PATL1: variants seen among roughly 807,000 people sequenced by gnomAD.
PATL1 encodes the protein protein PAT1 homolog 1.
In PATL1, 32 loss-of-function variants were observed where a neutral mutation model predicts 100.6. The ratio of observed to expected loss-of-function variants is 0.32; its 90% CI spans 0.24 to 0.43. The LOEUF (loss-of-function observed/expected upper bound fraction) is 0.43. Ranked by LOEUF, PATL1 falls within the 20% of genes least tolerant of loss-of-function variation. PATL1 has a pLI of 1.00. For synonymous variants in PATL1, 332 were observed against 330.0 expected (o/e 1.01, Z -0.07); for missense variants, 747 against 949.9 (o/e 0.79, Z 2.81).
At chr11:59,667,093 ATT>A in intron 1 of PATL1, 129 bp from the exon 2 acceptor site, 15 of 1,408,004 alleles carry the variant, frequency 1.1e-5, no homozygotes, top group Middle Eastern at 3.9e-4. Flanking sequence ...TAAAGATGGC[ATT>A]TTTTTTCTAC....
intron 15 of PATL1, among the ~76,000 whole-genome samples, chr11:59,647,210 A>T (rs1000567887): frequency 2.7e-4 from 39 of 147,152 alleles, no homozygotes; most frequent in African/African-American, 9.4e-4. Context: ...GTGACAGAGC[A>T]AAACTCTGTC....
chr11:59,640,358 A>AT (rs1861258698), intron 16 of PATL1, among the ~76,000 whole-genome samples: 1 of 151,360 alleles, frequency 6.6e-6, no homozygotes, highest in South Asian at 2.1e-4. Flanking sequence ...AAAAAAAAAA[A>AT]GTAACATATA....
chr11:59,642,034 G>A (rs1039407386), intron 16 of PATL1, among the ~76,000 whole-genome samples: 1 of 151,984 alleles, frequency 6.6e-6, no homozygotes, highest in Non-Finnish European at 1.5e-5. Flanking sequence ...GCATTATATC[G>A]AACCACTTAC....
At chr11:59,643,388 C>T (rs1861314617) in intron 15 of PATL1, among the ~76,000 whole-genome samples, 1 of 151,922 alleles carries the variant, frequency 6.6e-6, no homozygotes, top group African/African-American at 2.4e-5. Flanking sequence ...GACACAGAAC[C>T]TCAGGGATCT....
chr11:59,659,801 A>G (rs770645821), intron 2 of PATL1, among the ~76,000 whole-genome samples: 12 of 152,122 alleles, frequency 7.9e-5, no homozygotes, highest in Non-Finnish European at 1.8e-4. Context: ...CGGCCTCCCA[A>G]AGTGCTGGGA....
intron 9 of PATL1, 103 bp from the exon 10 acceptor site, chr11:59,653,121 TCCCGTTTGC>T: frequency 1.0e-6 from 1 of 983,782 alleles, no homozygotes. Context: ...TTTTAAAGAT[TCCCGTTTGC>T]TTTTCTTAAA....
Position 59,652,890 on chromosome 11 carries a change from T to G in PATL1, c.1250A>C (p.Gln417Pro). 2 of 1,614,012 alleles carry G rather than the reference T, an allele frequency of 1.2e-6. No individual in the cohort carries two copies. The highest frequency in any genetic ancestry group is 8.5e-7 in the Non-Finnish European group (1 of 1,179,884). ...QREKDWVSKIQMMQLQSTDPY... is the reference protein window; with the variant it reads ...QREKDWVSKIPMMQLQSTDPY... ...ATCAGTGCTTTGCAGTTGCATCATC[T>G]GGATTTTAGAGACCCAATCCTTTTC... Residue 417 changes from glutamine to proline, a missense_variant, in exon 10 of 19, where the codon CAG (glutamine) becomes CCG (proline). Physicochemically the swap from Gln to Pro is moderately conservative, Grantham distance 76. Around this residue, in one of 4 missense-constraint regions of PATL1, gnomAD observed 434 missense variants for 596.1 expected, o/e 0.73. Transcript: ENST00000300146.
At chr11:59,659,920 A>G (rs1224719244) in intron 2 of PATL1, among the ~76,000 whole-genome samples, 2 of 152,242 alleles carry the variant, frequency 1.3e-5, no homozygotes, top group African/African-American at 2.4e-5. Flanking sequence ...ACAGGAAATA[A>G]GGTTTAAACT....
intron 9 of PATL1, among the ~76,000 whole-genome samples, chr11:59,653,714 T>C (rs1323119676): frequency 2.0e-5 from 3 of 152,226 alleles, no homozygotes; most frequent in Non-Finnish European, 4.4e-5. Flanking sequence ...AATGTTTTTC[T>C]ACGTTTATTA....
At position 59,651,562 on chromosome 11, in the gene PATL1, T is replaced by G; in HGVS notation, c.1506A>C (p.Thr502=). 6.2e-7 allele frequency: 1 copy of G among 1,610,768 alleles called. No individual in the cohort carries two copies. The highest frequency in any genetic ancestry group is 8.5e-7 in the Non-Finnish European group (1 of 1,178,274). ...NPRKMIDAVV[T]SRSEDDETKE... is the part of the protein sequence containing the mutation. Reference sequence around the variant, plus strand: ...CACTTACATCATCCTCACTCCGAGATGTCACAACAGCATCAATCATTTTTC... The same window carrying G: ...CACTTACATCATCCTCACTCCGAGAGGTCACAACAGCATCAATCATTTTTC... The change falls in exon 12 of 19, where the codon ACA becomes ACC. Residue 502 remains threonine (T), a synonymous_variant. Transcript: ENST00000300146.
At chr11:59,640,808 C>T (rs1034106857) in intron 16 of PATL1, among the ~76,000 whole-genome samples, 8 of 151,936 alleles carry the variant, frequency 5.3e-5, no homozygotes, top group Non-Finnish European at 8.8e-5. Flanking sequence ...GGAGGCAGTA[C>T]TGCTTGAGTC....
chr11:59,663,810 C>T (rs573073094), intron 2 of PATL1, among the ~76,000 whole-genome samples: 7 of 151,994 alleles, frequency 4.6e-5, no homozygotes, highest in African/African-American at 9.6e-5. Context: ...TCCAGATGCC[C>T]GCTATATGAA....
In PATL1 at chr11:59,638,266, G is replaced by T; in HGVS notation, c.*124C>A. 1.1e-6 allele frequency: 1 copy of T among 937,954 alleles called. No homozygotes were observed. The allele number at this position is 937,954 out of a possible 1,614,324, so 58.1% of individuals were successfully genotyped here. Reference sequence around the variant, plus strand: ...GAGACAACCCCTGTAAACAGGAATCGATCCCACAAGACTTTGCTTTGGGGA... The same window carrying T: ...GAGACAACCCCTGTAAACAGGAATCTATCCCACAAGACTTTGCTTTGGGGA... On this transcript the variant is annotated 3_prime_UTR_variant, in exon 19 of 19. Coordinates refer to ENST00000300146, the MANE Select transcript of PATL1 (RefSeq NM_152716.3).
At position 59,657,601 on chromosome 11, in the gene PATL1, T is replaced by A; in HGVS notation, c.550A>T (p.Ser184Cys). The A allele has an allele frequency of 6.2e-7, 1 of 1,612,714 alleles. No homozygotes were observed. Among genetic ancestry groups the A allele is most frequent in the Non-Finnish European group, 8.5e-7 (1 of 1,179,838 alleles). The part of the protein sequence containing the change: ...PRRSTSPIIG[S>C]PPVRAVPIGT... ...ATGGGGACAGCTCTAACAGGAGGAC[T>A]GCCAATGATAGGTGAAGTTGACCGC... is the stretch of plus-strand genomic sequence containing the variant. The change falls in exon 5 of 19, where the codon AGT becomes TGT. Residue 184 changes from serine (S) to cysteine (C), a missense_variant. By Grantham distance (112) the Ser-to-Cys change is moderately radical. Transcript: ENST00000300146.
At chr11:59,650,652 C>G (rs1367797033) in intron 13 of PATL1, 102 bp downstream of exon 13, 1 of 801,798 alleles carries the variant, frequency 1.2e-6, no homozygotes, top group African/African-American at 1.8e-5. Context: ...GAATTAAAAC[C>G]AAAGAACATT....
At chr11:59,663,393 G>A (rs1861651200) in intron 2 of PATL1, among the ~76,000 whole-genome samples, 1 of 152,144 alleles carries the variant, frequency 6.6e-6, no homozygotes, top group Non-Finnish European at 1.5e-5. Context: ...ATCAATAAAA[G>A]GGAGGTAGGA....
At chr11:59,658,990 T>A (rs1214315724) in intron 3 of PATL1, 44 bp from the exon 4 acceptor site, 1 of 1,477,116 alleles carries the variant, frequency 6.8e-7, no homozygotes, top group African/African-American at 1.4e-5. Flanking sequence ...TGTTGTATAC[T>A]CTCTGGGTGA....
At chr11:59,645,593 T>C (rs1251621247) in intron 15 of PATL1, among the ~76,000 whole-genome samples, 1 of 152,108 alleles carries the variant, frequency 6.6e-6, no homozygotes, top group Non-Finnish European at 1.5e-5. Flanking sequence ...GTAGGATAAA[T>C]GCTTTTCCTT....
chr11:59,639,013 T>G (rs745639528), intron 18 of PATL1, 35 bp downstream of exon 18: 6 of 1,603,756 alleles, frequency 3.7e-6, no homozygotes, highest in Non-Finnish European at 5.1e-6. Context: ...GTCCCAACTT[T>G]AGTGAGATGT....
Sources: gnomAD v4.1 joint callset for allele counts (sites outside exome capture counted in the v4.1 genomes callset) on GRCh38, gnomAD v4.1.1 for gene constraint, gnomAD v4.1.1 regional missense constraint, MANE v1.5 for transcripts, NCBI Gene and HGNC (gene_info 2026-07-23, HGNC 2026-07-21) for gene names.